The following DAPK1 variants were observed in gnomAD, a reference collection of about 807,000 sequenced individuals.
DAPK1 encodes death-associated protein kinase 1.
A neutral mutation model predicts 144.9 loss-of-function variants in DAPK1; 56 were observed. That is an observed-to-expected ratio of 0.39 (90% CI 0.31 to 0.48). The LOEUF is 0.48. Among genes scored for constraint, DAPK1 ranks in the 20% least tolerant of loss-of-function variants. DAPK1 has a pLI of 0.95. For missense variants in DAPK1, 1,454 were observed against 1,875.4 expected, an observed-to-expected ratio of 0.78 and a Z score of 4.15; for synonymous variants, 690 against 749.0, an observed-to-expected ratio of 0.92 and a Z score of 1.29.
intron 20 of DAPK1, among the ~76,000 whole-genome samples, chr9:87,683,557 G>C (rs902349303): frequency 6.6e-6 from 1 of 152,252 alleles, no homozygotes; most frequent in Admixed American, 6.5e-5. Flanking sequence ...AAGTTTGCAA[G>C]GCCTAAGTGG....
chr9:87,680,088 A>T lies in DAPK1; in HGVS notation c.2002-1316A>T, dbSNP rs1564066802. On this transcript the variant is annotated intron_variant, in intron 19 of 25. Transcript: ENST00000408954. ...TTTAGTAATATATTAATATTTTAAAATTTATTTATTTATTTATTTATTTAT... is the reference window on the plus strand; with the variant it reads ...TTTAGTAATATATTAATATTTTAAATTTTATTTATTTATTTATTTATTTAT... 7.0e-5 allele frequency among the ~76,000 whole-genome samples: 10 copies of T among 142,320 alleles called. No individual in the cohort carries two copies. The South Asian group carries it at 1.9e-3, about 27-fold the overall frequency. 93.4% of individuals were successfully genotyped at this position (142,320 alleles called of 152,430 possible).
At position 87,707,339 on chromosome 9, in the gene DAPK1, C is replaced by G; in HGVS notation, c.4268C>G (p.Ser1423Cys). Reference sequence around the variant, plus strand: ...TGCAACAGCGGCACCTCTTACAATTCCATTAGCTCTGTTGTATCCCGGTGA... The same window carrying G: ...TGCAACAGCGGCACCTCTTACAATTGCATTAGCTCTGTTGTATCCCGGTGA... ...SSCNSGTSYN[S>C]ISSVVSR The change falls in exon 26 of 26, where the codon TCC becomes TGC. Residue 1423 changes from serine to cysteine, a missense_variant. By Grantham distance (112) the Ser-to-Cys change is moderately radical (BLOSUM62 -1). Coordinates refer to ENST00000408954, the MANE Select transcript of DAPK1 (RefSeq NM_004938.4). This position sits in a 1 kb window ranked among gnomAD's most constrained non-coding sequence, Gnocchi z 4.0. The G allele has an allele frequency of 6.2e-7, 1 of 1,609,912 alleles. No individual in the cohort carries two copies. Among genetic ancestry groups the G allele is most frequent in the Non-Finnish European group, 8.5e-7 (1 of 1,177,458 alleles).
At position 87,645,207 on chromosome 9, in the gene DAPK1, G is replaced by C. The variant is rs36212383; in HGVS notation, c.1012-688G>C. On this transcript the variant is annotated intron_variant, in intron 11 of 25. Coordinates refer to ENST00000408954, the MANE Select transcript of DAPK1 (RefSeq NM_004938.4). Reference sequence around the variant, plus strand: ...CTTAGTTTTAATGTGAATTTTGAAAGAGTGGCAAAGATTTTTCCAGTTTTT... The same window carrying C: ...CTTAGTTTTAATGTGAATTTTGAAACAGTGGCAAAGATTTTTCCAGTTTTT... Among the ~76,000 whole-genome samples the C allele has an allele frequency of 3.9e-3, 601 of 152,286 alleles. 3 individuals are homozygous for C. The highest frequency in any genetic ancestry group is 0.014 in the African/African-American group (582 of 41,556).
At chr9:87,611,358 C>G (rs1419599541) in intron 3 of DAPK1, among the ~76,000 whole-genome samples, 1 of 152,008 alleles carries the variant, frequency 6.6e-6, no homozygotes, top group Non-Finnish European at 1.5e-5. Context: ...CCTATGTTAC[C>G]CAGGCTGGCC....
intron 11 of DAPK1, among the ~76,000 whole-genome samples, chr9:87,644,542 GA>G (rs898689442): frequency 4.7e-5 from 7 of 150,080 alleles, no homozygotes; most frequent in Non-Finnish European, 4.4e-5. Flanking sequence ...GGAGATGTTT[GA>G]AAAAAAAAGC....
intron 2 of DAPK1, among the ~76,000 whole-genome samples, chr9:87,575,514 C>A (rs920780552): frequency 6.6e-6 from 1 of 151,892 alleles, no homozygotes; most frequent in African/African-American, 2.4e-5. Context: ...TCTGAGATCC[C>A]GATTTCGAAA....
intron 3 of DAPK1, among the ~76,000 whole-genome samples, chr9:87,608,425 G>T (rs1477869396): frequency 6.6e-6 from 1 of 152,174 alleles, no homozygotes; most frequent in Non-Finnish European, 1.5e-5. Context: ...GAGTAAAACT[G>T]CTACAAACAT....
At chr9:87,569,003 G>A (rs984316762) in intron 2 of DAPK1, among the ~76,000 whole-genome samples, 3 of 152,152 alleles carry the variant, frequency 2.0e-5, no homozygotes, top group Admixed American at 6.5e-5. Flanking sequence ...GAGGTGTGGG[G>A]CGAGGCAGAT....
chr9:87,516,244 C>A (rs1305813588), intron 2 of DAPK1, among the ~76,000 whole-genome samples: 1 of 152,158 alleles, frequency 6.6e-6, no homozygotes, highest in African/African-American at 2.4e-5. Flanking sequence ...ATTCCAGATC[C>A]TCTTGCACAC....
intron 2 of DAPK1, among the ~76,000 whole-genome samples, chr9:87,590,700 A>G (rs1828102122): frequency 6.6e-6 from 1 of 151,936 alleles, no homozygotes; most frequent in Non-Finnish European, 1.5e-5. Context: ...CCATCCTCTC[A>G]CCTCAGCCTC....
At chr9:87,595,425 G>A (rs1046681751) in intron 2 of DAPK1, among the ~76,000 whole-genome samples, 1 of 152,118 alleles carries the variant, frequency 6.6e-6, no homozygotes, top group Admixed American at 6.5e-5. Flanking sequence ...CCTTCCTCCT[G>A]CAAAGAGGTA....
rs185922386 is a variant in DAPK1, at chr9:87,678,830, A to G, written c.2002-2574A>G. ...TCCCCTCAACATTGTGGGAACTAAA[A>G]TGCCACCTCAGATTTCCACAGTGCC... is the stretch of plus-strand genomic sequence containing the variant. On this transcript the variant is annotated intron_variant, in intron 19 of 25. Coordinates refer to ENST00000408954, the MANE Select transcript of DAPK1 (RefSeq NM_004938.4). Among the ~76,000 whole-genome samples, 74 of 152,288 alleles carry G rather than the reference A, an allele frequency of 4.9e-4. 2 individuals carry two copies. The East Asian group carries it at 0.014, about 29-fold the overall frequency.
Position 87,647,389 on chromosome 9 carries a change from G to T in DAPK1, c.1315G>T (p.Asp439Tyr), listed in dbSNP as rs1203719553. ...TCTCAGTGAGAACAAATGCCCTTTG[G>T]ATGTGAAAGACAAGGTAAGGCCACT... ...KFLSENKCPLDVKDKSGEMAL... is the reference protein window; with the variant it reads ...KFLSENKCPLYVKDKSGEMAL... The change falls in exon 14 of 26, where the codon GAT becomes TAT. Residue 439 changes from aspartate (D) to tyrosine (Y), a missense_variant. Around this residue, in one of 2 missense-constraint regions of DAPK1, gnomAD observed 429 missense variants for 637.5 expected, o/e 0.67. Coordinates refer to ENST00000408954, the MANE Select transcript of DAPK1 (RefSeq NM_004938.4). The T allele has an allele frequency of 6.2e-7, 1 of 1,614,150 alleles. No individual in the cohort carries two copies.
In DAPK1 at chr9:87,621,370, A is replaced by G. The variant is rs576368054; in HGVS notation, c.284+16195A>G. Among the ~76,000 whole-genome samples, 177 of 152,290 alleles carry G rather than the reference A, an allele frequency of 1.2e-3. 1 individual carries two copies. Among genetic ancestry groups the G allele is most frequent in the Middle Eastern group, 0.01 (3 of 294 alleles). On this transcript the variant is annotated intron_variant, in intron 3 of 25. Coordinates refer to ENST00000408954, the MANE Select transcript of DAPK1 (RefSeq NM_004938.4). ...AGCGACCCGGTTGTCAGGCTCGGCC[A>G]TTGCACTGGGGGATGCCGTGCCCAG...
At chr9:87,661,671 T>G (rs1830852105) in intron 18 of DAPK1, among the ~76,000 whole-genome samples, 1 of 152,184 alleles carries the variant, frequency 6.6e-6, no homozygotes, top group Admixed American at 6.5e-5. Context: ...GGGATTATTT[T>G]GGGGTTTTTG....
At chr9:87,696,484 G>A (rs532254602) in intron 21 of DAPK1, among the ~76,000 whole-genome samples, 6 of 152,152 alleles carry the variant, frequency 3.9e-5, no homozygotes, top group African/African-American at 1.4e-4. Flanking sequence ...TAAGAAAAGC[G>A]GTTCATTTAG....
intron 2 of DAPK1, among the ~76,000 whole-genome samples, chr9:87,552,979 A>T (rs1391603914): frequency 6.6e-6 from 1 of 152,080 alleles, no homozygotes; most frequent in Non-Finnish European, 1.5e-5. Flanking sequence ...GCCCTCACTA[A>T]CGTTTATCTC....
rs369632386 is a variant in DAPK1, at chr9:87,567,243, G to A, written c.63-37711G>A. 2.0e-4 allele frequency among the ~76,000 whole-genome samples: 31 copies of A among 152,254 alleles called. No individual in the cohort carries two copies. In the East Asian group the frequency reaches 2.3e-3, roughly 11 times the overall value. On this transcript the variant is annotated intron_variant, in intron 2 of 25. Transcript: ENST00000408954. ...TCAATCTGTAGCTGATTATTGTCTC[G>A]AATATGTACTCAAATGAGCTGTGTA...
At position 87,706,727 on chromosome 9, in the gene DAPK1, T is replaced by C. The variant is rs770986643; in HGVS notation, c.3656T>C (p.Ile1219Thr). The change falls in exon 26 of 26, where the codon ATT becomes ACT. Residue 1219 changes from isoleucine to threonine, a missense_variant. By Grantham distance (89) the Ile-to-Thr change is moderately conservative. Coordinates refer to ENST00000408954, the MANE Select transcript of DAPK1 (RefSeq NM_004938.4). This position sits in a 1 kb window ranked among gnomAD's most constrained non-coding sequence, Gnocchi z 9.0. Reference sequence around the variant, plus strand: ...CTGCTGGACTCGGTGTGCAGCACCATTGAGAACGTCATGGCCACCACGCTG... The same window carrying C: ...CTGCTGGACTCGGTGTGCAGCACCACTGAGAACGTCATGGCCACCACGCTG... ...CLLLDSVCST[I>T]ENVMATTLPG... 5.6e-6 allele frequency: 9 copies of C among 1,613,018 alleles called. No individual in the cohort carries two copies. The Admixed American group carries it at 1.3e-4, about 24-fold the overall frequency.
Sources: gnomAD v4.1 joint callset for allele counts (sites outside exome capture counted in the v4.1 genomes callset) on GRCh38, gnomAD v4.1.1 for gene constraint, gnomAD v4.1.1 regional missense constraint, Gnocchi (gnomAD v3.1) non-coding constraint, MANE v1.5 for transcripts, NCBI Gene and HGNC (gene_info 2026-07-23, HGNC 2026-07-21) for gene names.